PSG4: variants seen among roughly 807,000 people sequenced by gnomAD.
The protein encoded by PSG4 is pregnancy specific beta-1-glycoprotein 4, also known as pregnancy-specific beta-1-glycoprotein 4.
Under a neutral mutation model 44.3 loss-of-function variants are expected in PSG4, and 61 were observed. That is an observed-to-expected ratio of 1.38 (90% CI 1.12 to 1.70). PSG4 has a LOEUF of 1.70. Among genes scored for constraint, PSG4 ranks in the 40% most tolerant of loss-of-function variants. The pLI, the probability that PSG4 is intolerant of heterozygous loss-of-function variation, is 0.00. For missense variants in PSG4, 677 were observed against 511.7 expected (o/e 1.32, Z -3.12); for synonymous variants, 248 against 191.3 (o/e 1.30, Z -2.45).
chr19:43,196,357 T>C (rs1424948874), intron 3 of PSG4: 2 of 151,580 alleles, frequency 1.3e-5, no homozygotes, highest in Non-Finnish European at 2.9e-5. Flanking sequence ...GGTGTGCAGT[T>C]TCAGTTATGC....
rs1293168098 is a variant in PSG4, at chr19:43,198,665, A to G, written c.431-390T>C. ...AGTTTCAGTCTTACTTTGCCCCCCG[A>G]GGTATGTTTTCTCTGCAGCTTCCCT... On this transcript the variant is annotated intron_variant, in intron 2 of 5. Coordinates refer to ENST00000405312, the MANE Select transcript of PSG4 (RefSeq NM_002780.5). 3 of 204,676 alleles carry G rather than the reference A, an allele frequency of 1.5e-5. No homozygotes were observed. In the South Asian group the frequency reaches 3.1e-4, roughly 21 times the overall value. The allele number at this position is 204,676 out of a possible 1,614,324, so 12.7% of individuals were successfully genotyped here. A position where few individuals can be genotyped will look rare whatever the true frequency, so the allele number is the denominator to read the frequency against.
chr19:43,198,615 G>C, intron 2 of PSG4: 2 of 308,378 alleles, frequency 6.5e-6, no homozygotes, highest in Non-Finnish European at 1.1e-5. Context: ...TCCTCACTTG[G>C]AGCATGCAGT....
intron 3 of PSG4, among the ~76,000 whole-genome samples, chr19:43,196,250 C>G (rs1285389130): frequency 6.6e-6 from 1 of 151,538 alleles, no homozygotes; most frequent in Non-Finnish European, 1.5e-5. Flanking sequence ...GGTTCGACTA[C>G]TCTAGGGACC....
Position 43,204,332 on chromosome 19 carries a change from A to T in PSG4, c.65-81T>A, listed in dbSNP as rs1304453522. ...GATGGGTCCTGAGAAGGTCTCTTCA[A>T]TCCTCAGCCTTGAAGACACACAAAC... On this transcript the variant is annotated intron_variant, in intron 1 of 5. Transcript: ENST00000405312. The T allele has an allele frequency of 4.9e-6, 7 of 1,420,086 alleles. 1 individual carries two copies. The highest frequency in any genetic ancestry group is 6.6e-6 in the Non-Finnish European group (7 of 1,059,162). The allele number at this position is 1,420,086 out of a possible 1,614,324, so 88.0% of individuals were successfully genotyped here.
chr19:43,197,644 G>T (rs527613607), intron 3 of PSG4: 3 of 332,646 alleles, frequency 9.0e-6, no homozygotes, highest in Admixed American at 8.8e-5. Context: ...AGAGGGAAGG[G>T]AAAATCCTGG....
chr19:43,203,916 C>T lies in PSG4; in HGVS notation c.400G>A (p.Val134Ile). The T allele has an allele frequency of 1.9e-6, 3 of 1,583,632 alleles. No individual in the cohort carries two copies. The highest frequency in any genetic ancestry group is 2.6e-6 in the Non-Finnish European group (3 of 1,169,968). Residue 134 changes from valine to isoleucine, a missense_variant, in exon 2 of 6, where the codon GTA (valine) becomes ATA (isoleucine). Transcript: ENST00000405312. The part of the protein sequence containing the change: ...IIKRRDGTGG[V>I]TGHFTFTLHL... ...AAGGTGAAGGTGAAATGTCCAGTTACTCCTCCAGTCCCATCGCGTCGCTTT... is the reference window on the plus strand; with the variant it reads ...AAGGTGAAGGTGAAATGTCCAGTTATTCCTCCAGTCCCATCGCGTCGCTTT...
intron 5 of PSG4, chr19:43,194,080 T>C: frequency 1.7e-6 from 2 of 1,189,356 alleles, no homozygotes; most frequent in Non-Finnish European, 2.3e-6. Context: ...AAAAATATTA[T>C]CCTCAATATT....
intron 2 of PSG4, among the ~76,000 whole-genome samples, chr19:43,200,087 A>G (rs1232211152): frequency 1.4e-5 from 2 of 145,860 alleles, no homozygotes; most frequent in African/African-American, 2.6e-5. Flanking sequence ...AGGACCCCAA[A>G]ACAGGTATGT....
chr19:43,193,981 C>T (rs571232489), intron 5 of PSG4: 19 of 835,642 alleles, frequency 2.3e-5, no homozygotes, highest in African/African-American at 1.7e-4. Flanking sequence ...TGAACTGCTA[C>T]AAGCTATAGA....
chr19:43,204,307 G>A, intron 1 of PSG4, 56 bp from the exon 2 acceptor site: 1 of 1,489,124 alleles, frequency 6.7e-7, no homozygotes, highest in African/African-American at 1.5e-5. Flanking sequence ...GGGGTGAAAA[G>A]ATGGGTCCTG....
chr19:43,194,597 G>A lies in PSG4; in HGVS notation c.989-3C>T. 6.2e-7 allele frequency: 1 copy of A among 1,607,660 alleles called. No individual in the cohort carries two copies. Among genetic ancestry groups the A allele is most frequent in the Non-Finnish European group, 8.5e-7 (1 of 1,176,294 alleles). On this transcript the variant is annotated splice_region_variant and splice_polypyrimidine_tract_variant and intron_variant, in intron 4 of 5. Transcript: ENST00000405312. ...AATGCTGGGGAGGTCTGGACCATCT[G>A]GCGCAAAGAGAATAAAGCCATAGGT...
chr19:43,202,545 G>A (rs10404144), intron 2 of PSG4, among the ~76,000 whole-genome samples: 2,039 of 144,404 alleles, frequency 0.014, 345 homozygotes, highest in African/African-American at 0.052. Flanking sequence ...TTATGTGAGA[G>A]CTCCTGAGTG....
Position 43,198,376 on chromosome 19 carries a change from C to G in PSG4, c.431-101G>C, listed in dbSNP as rs1967353019. On this transcript the variant is annotated intron_variant, in intron 2 of 5. Transcript: ENST00000405312. Reference sequence around the variant, plus strand: ...GGCATTTCCCACCTCTCAGCCCACCCAAGTCCTTAAAAGCCCATGGAAGAT... The same window carrying G: ...GGCATTTCCCACCTCTCAGCCCACCGAAGTCCTTAAAAGCCCATGGAAGAT... The G allele has an allele frequency of 7.4e-6, 11 of 1,483,148 alleles. 1 individual carries two copies. The Admixed American group carries it at 1.9e-4, about 26-fold the overall frequency. The allele number at this position is 1,483,148 out of a possible 1,614,324, so 91.9% of individuals were successfully genotyped here. A position where few individuals can be genotyped will look rare whatever the true frequency, so the allele number is the denominator to read the frequency against.
intron 3 of PSG4, among the ~76,000 whole-genome samples, chr19:43,196,996 C>T (rs4330017): frequency 0.051 from 7,425 of 146,054 alleles, 584 homozygotes; most frequent in Non-Finnish European, 0.064. Flanking sequence ...ATATTGATAT[C>T]GTCTTTAATT....
chr19:43,200,411 A>C (rs1480974885), intron 2 of PSG4, among the ~76,000 whole-genome samples: 15 of 144,714 alleles, frequency 1.0e-4, no homozygotes, highest in Admixed American at 6.9e-4. Flanking sequence ...CAAAAAAAAT[A>C]TTAAATATGA....
chr19:43,203,906 T>C lies in PSG4; in HGVS notation c.410A>G (p.His137Arg). Residue 137 changes from histidine to arginine, a missense_variant, in exon 2 of 6, where the codon CAT becomes CGT. By Grantham distance (29) the His-to-Arg change is conservative. Transcript: ENST00000405312. The stretch of plus-strand genomic sequence containing the variant: ...CTCACGGTGTAAGGTGAAGGTGAAA[T>C]GTCCAGTTACTCCTCCAGTCCCATC... ...RRDGTGGVTG[H>R]FTFTLHLETP... The C allele has an allele frequency of 6.3e-7, 1 of 1,581,980 alleles. No homozygotes were observed. The highest frequency in any genetic ancestry group is 8.6e-7 in the Non-Finnish European group (1 of 1,169,216).
At chr19:43,204,698 C>CCCCCCCCCCCCCCCCCCCCCG (rs750928690) in intron 1 of PSG4, 1 of 155,460 alleles carries the variant, frequency 6.4e-6, no homozygotes, top group Non-Finnish European at 1.2e-5. Context: ...CTGTCTTCCC[C>CCCCCCCCCCCCCCCCCCCCCG]CCACGATGAC....
At chr19:43,193,615 C>A (rs73548057) in intron 5 of PSG4, 21 of 581,074 alleles carry the variant, frequency 3.6e-5, no homozygotes, top group Non-Finnish European at 5.8e-5. Context: ...ACCATGTAGG[C>A]GCTCTTTTAG....
chr19:43,204,374 A>C (rs950902599), intron 1 of PSG4, 123 bp from the exon 2 acceptor site: 1 of 1,265,600 alleles, frequency 7.9e-7, no homozygotes, highest in Admixed American at 2.4e-5. Flanking sequence ...ATACAAACAC[A>C]TACACACACT....
Sources: gnomAD v4.1 joint callset for allele counts (sites outside exome capture counted in the v4.1 genomes callset) on GRCh38, gnomAD v4.1.1 for gene constraint, MANE v1.5 for transcripts, NCBI Gene and HGNC (gene_info 2026-07-23, HGNC 2026-07-21) for gene names.